Variants in GLP1R observed in about 807,000 individuals in gnomAD.
The protein encoded by GLP1R is glucagon-like peptide 1 receptor.
Under a neutral mutation model 68.4 loss-of-function variants are expected in GLP1R, and 32 were observed. The observed-to-expected ratio is 0.47, with a 90% CI of 0.35 to 0.63. The LOEUF is 0.63. Among genes scored for constraint, GLP1R ranks in the 20% least tolerant of loss-of-function variants. GLP1R has a pLI of 0.00. For synonymous variants in GLP1R, 263 were observed against 244.4 expected, an observed-to-expected ratio of 1.08 and a Z score of -0.71; for missense variants, 502 against 594.9, an observed-to-expected ratio of 0.84 and a Z score of 1.62.
intron 5 of GLP1R, among the ~76,000 whole-genome samples, chr6:39,071,085 G>C (rs189756332): frequency 6.6e-6 from 1 of 152,170 alleles, no homozygotes; most frequent in East Asian, 1.9e-4. Context: ...GGTGGCTCAC[G>C]CCAGTAATCC....
Position 39,057,646 on chromosome 6 carries a change from T to C in GLP1R, c.283+67T>C, listed in dbSNP as rs1394039356. 6.3e-5 allele frequency: 52 copies of C among 830,362 alleles called. No homozygotes were observed. In the Middle Eastern group the frequency reaches 7.1e-4, roughly 11 times the overall value. The allele number at this position is 830,362 out of a possible 1,614,324, so 51.4% of individuals were successfully genotyped here. On this transcript the variant is annotated intron_variant, in intron 3 of 12. Transcript: ENST00000373256. Reference sequence around the variant, plus strand: ...GTGGTGAACCCCCTCCCCGACCTGGTATCTGCCCTGGGCCAGCAGTGGTGA... The same window carrying C: ...GTGGTGAACCCCCTCCCCGACCTGGCATCTGCCCTGGGCCAGCAGTGGTGA...
At chr6:39,072,773 C>A in intron 5 of GLP1R, 89 bp from the exon 6 acceptor site, 1 of 1,125,092 alleles carries the variant, frequency 8.9e-7, no homozygotes, top group Non-Finnish European at 1.3e-6. Context: ...TGGAAACATG[C>A]CTAATGTGTG....
At chr6:39,082,370 A>G (rs1224737543) in intron 12 of GLP1R, among the ~76,000 whole-genome samples, 1 of 152,218 alleles carries the variant, frequency 6.6e-6, no homozygotes, top group African/African-American at 2.4e-5. Flanking sequence ...TAGACAGAAG[A>G]TGGTAGAGCT....
In GLP1R at chr6:39,073,866, G is replaced by T. The variant is rs764724550; in HGVS notation, c.823+97G>T. On this transcript the variant is annotated intron_variant, in intron 7 of 12. Transcript: ENST00000373256. ...GTACTTGGAACGCACTGCTGAGCAAGGGGCAAGGCCCACTGGGTAACCCTC... is the reference window on the plus strand; with the variant it reads ...GTACTTGGAACGCACTGCTGAGCAATGGGCAAGGCCCACTGGGTAACCCTC... 3.6e-6 allele frequency: 4 copies of T among 1,108,730 alleles called. No homozygotes were observed. In the Admixed American group the frequency reaches 7.4e-5, roughly 20 times the overall value. The allele number at this position is 1,108,730 out of a possible 1,614,324, so 68.7% of individuals were successfully genotyped here.
intron 4 of GLP1R, 26 bp downstream of exon 4, chr6:39,065,855 A>G (rs768634690): frequency 7.1e-7 from 1 of 1,404,152 alleles, no homozygotes; most frequent in Non-Finnish European, 1.0e-6. Context: ...GTTCTGAGCC[A>G]GGGAGCGGGG....
At chr6:39,071,252 G>A (rs926838546) in intron 5 of GLP1R, among the ~76,000 whole-genome samples, 19 of 151,090 alleles carry the variant, frequency 1.3e-4, no homozygotes, top group Non-Finnish European at 2.1e-4. Flanking sequence ...AGGCTGAGGC[G>A]GGAGAATCAC....
chr6:39,066,265 T>C lies in GLP1R; in HGVS notation c.471T>C (p.Ser157=), dbSNP rs747937603. 1.2e-6 allele frequency: 2 copies of C among 1,613,084 alleles called. No individual in the cohort carries two copies. The highest frequency in any genetic ancestry group is 1.7e-6 in the Non-Finnish European group (2 of 1,179,036). ...CGGTGGGCTACGCACTCTCCTTCTCTGCTCTGGTTATCGCCTCTGCGATCC... is the reference window on the plus strand; with the variant it reads ...CGGTGGGCTACGCACTCTCCTTCTCCGCTCTGGTTATCGCCTCTGCGATCC... The part of the protein sequence containing the change: ...IYTVGYALSF[S]ALVIASAILL... Residue 157 remains serine (S), a synonymous_variant, in exon 5 of 13, where the codon TCT becomes TCC. Coordinates refer to ENST00000373256, the MANE Select transcript of GLP1R (RefSeq NM_002062.5).
intron 1 of GLP1R, among the ~76,000 whole-genome samples, chr6:39,053,484 G>A (rs529973969): frequency 6.6e-6 from 1 of 152,318 alleles, no homozygotes; most frequent in South Asian, 2.1e-4. Context: ...GTGAGGAAGG[G>A]GTGGGGCCCC....
intron 5 of GLP1R, among the ~76,000 whole-genome samples, chr6:39,071,381 A>G (rs1438861073): frequency 6.6e-6 from 1 of 151,824 alleles, no homozygotes; most frequent in Non-Finnish European, 1.5e-5. Flanking sequence ...AGAAAGAAAG[A>G]AAAAGAAATC....
intron 7 of GLP1R, among the ~76,000 whole-genome samples, chr6:39,076,289 C>G (rs1768824422): frequency 6.6e-6 from 1 of 152,332 alleles, no homozygotes; most frequent in Non-Finnish European, 1.5e-5. Context: ...TCCATTCTCA[C>G]TGGGCATCTT....
At chr6:39,060,739 T>A (rs997000891) in intron 3 of GLP1R, among the ~76,000 whole-genome samples, 1 of 152,116 alleles carries the variant, frequency 6.6e-6, no homozygotes, top group African/African-American at 2.4e-5. Context: ...CTTCTAGAGT[T>A]CAGAATGGAG....
intron 5 of GLP1R, among the ~76,000 whole-genome samples, chr6:39,069,384 A>C (rs1388982626): frequency 6.6e-6 from 1 of 152,192 alleles, no homozygotes; most frequent in South Asian, 2.1e-4. Flanking sequence ...CTGTAATCCC[A>C]GCACTTTGGG....
chr6:39,073,820 C>A (rs1457376706), intron 7 of GLP1R, 51 bp downstream of exon 7: 4 of 1,512,634 alleles, frequency 2.6e-6, no homozygotes, highest in African/African-American at 1.4e-5. Flanking sequence ...GGTGGGAGAC[C>A]TTGACCCCTC....
intron 12 of GLP1R, among the ~76,000 whole-genome samples, chr6:39,083,089 A>G (rs1769050083): frequency 6.6e-6 from 1 of 152,108 alleles, no homozygotes; most frequent in African/African-American, 2.4e-5. Context: ...CCCTTGGAAA[A>G]AAACTTGATC....
intron 1 of GLP1R, among the ~76,000 whole-genome samples, chr6:39,053,172 C>T (rs1768126736): frequency 6.6e-6 from 1 of 152,194 alleles, no homozygotes; most frequent in South Asian, 2.1e-4. Flanking sequence ...AGCTCTGCTG[C>T]CTTGTGAGGG....
At chr6:39,057,825 C>G (rs1370468986) in intron 3 of GLP1R, among the ~76,000 whole-genome samples, 2 of 151,310 alleles carry the variant, frequency 1.3e-5, no homozygotes, top group African/African-American at 2.4e-5. Context: ...AACCTGGTAC[C>G]TGCCGTGGGT....
At chr6:39,072,317 C>T (rs1768691362) in intron 5 of GLP1R, among the ~76,000 whole-genome samples, 1 of 152,172 alleles carries the variant, frequency 6.6e-6, no homozygotes, top group African/African-American at 2.4e-5. Context: ...AGGAAATGCT[C>T]CCACAGTTTC....
intron 1 of GLP1R, among the ~76,000 whole-genome samples, chr6:39,051,141 C>A (rs973698256): frequency 6.6e-6 from 1 of 152,160 alleles, no homozygotes; most frequent in African/African-American, 2.4e-5. Flanking sequence ...CTTTGACACT[C>A]AAAGTTAAAA....
chr6:39,054,922 A>G (rs13202369), intron 1 of GLP1R, among the ~76,000 whole-genome samples: 37,968 of 152,212 alleles, frequency 0.25, 5,247 homozygotes, highest in South Asian at 0.32. Flanking sequence ...TGTGGCTAAT[A>G]TCATGGACAA....
Sources: gnomAD v4.1 joint callset for allele counts (sites outside exome capture counted in the v4.1 genomes callset) on GRCh38, gnomAD v4.1.1 for gene constraint, MANE v1.5 for transcripts, NCBI Gene and HGNC (gene_info 2026-07-23, HGNC 2026-07-21) for gene names.